GRID2: variants seen among roughly 807,000 people sequenced by gnomAD.
GRID2 encodes the protein glutamate ionotropic receptor delta type subunit 2, also known as glutamate receptor ionotropic, delta-2.
GRID2 carries 33 observed loss-of-function variants against 114.8 expected under a neutral mutation model. The observed-to-expected ratio is 0.29, with a 90% CI of 0.22 to 0.38. The LOEUF (loss-of-function observed/expected upper bound fraction) is 0.38. Among genes scored for constraint, GRID2 ranks in the 10% least tolerant of loss-of-function variants. GRID2 has a pLI of 1.00. For synonymous variants in GRID2, 505 were observed against 449.9 expected, an observed-to-expected ratio of 1.12 and a Z score of -1.55; for missense variants, 1,184 against 1,257.7, an observed-to-expected ratio of 0.94 and a Z score of 0.89.
intron 2 of GRID2, among the ~76,000 whole-genome samples, chr4:92,890,139 G>A (rs552532399): frequency 8.9e-4 from 135 of 152,178 alleles, no homozygotes; most frequent in Middle Eastern, 3.4e-3. Context: ...AGACTTAAAC[G>A]AAAGGCCTAA....
intron 1 of GRID2, among the ~76,000 whole-genome samples, chr4:92,363,035 A>C (rs1411955319): frequency 6.6e-6 from 1 of 152,024 alleles, no homozygotes; most frequent in Non-Finnish European, 1.5e-5. Context: ...AGTGACAATT[A>C]TTTTTAATTT....
intron 4 of GRID2, among the ~76,000 whole-genome samples, chr4:93,119,611 G>A (rs1357258101): frequency 3.3e-5 from 5 of 152,062 alleles, no homozygotes; most frequent in Non-Finnish European, 5.9e-5. Flanking sequence ...GTAAGAAAAG[G>A]TTATTATTAT....
At chr4:93,370,834 T>C (rs1762818841) in intron 8 of GRID2, among the ~76,000 whole-genome samples, 3 of 152,198 alleles carry the variant, frequency 2.0e-5, no homozygotes, top group African/African-American at 7.2e-5. Context: ...CTGGGTCTTA[T>C]CTATCTTTAC....
chr4:92,788,540 G>A (rs1739425308), intron 2 of GRID2, among the ~76,000 whole-genome samples: 1 of 151,798 alleles, frequency 6.6e-6, no homozygotes, highest in Admixed American at 6.6e-5. Context: ...TTTTTCAGTG[G>A]TTCACATTCT....
intron 2 of GRID2, among the ~76,000 whole-genome samples, chr4:92,941,193 G>T (rs1751096793): frequency 6.6e-6 from 1 of 152,048 alleles, no homozygotes; most frequent in Non-Finnish European, 1.5e-5. Context: ...GAATCCCTCT[G>T]GTCCTGGACT....
intron 1 of GRID2, among the ~76,000 whole-genome samples, chr4:92,406,189 C>G (rs895973576): frequency 2.6e-5 from 4 of 152,194 alleles, no homozygotes; most frequent in Admixed American, 2.0e-4. Flanking sequence ...AACACCCTTA[C>G]AGACACACCA....
intron 13 of GRID2, among the ~76,000 whole-genome samples, chr4:93,619,290 C>T (rs1378298806): frequency 1.3e-5 from 2 of 152,164 alleles, no homozygotes; most frequent in African/African-American, 4.8e-5. Flanking sequence ...TTGATGAATG[C>T]TGCTAAATTA....
chr4:93,083,695 C>CAA (rs34205612), intron 2 of GRID2, among the ~76,000 whole-genome samples: 152 of 74,970 alleles, frequency 2.0e-3, no homozygotes, highest in East Asian at 2.6e-3. Context: ...GACTCCATCT[C>CAA]AAAAAAAAAA....
intron 13 of GRID2, among the ~76,000 whole-genome samples, chr4:93,532,428 A>G (rs1731541799): frequency 6.6e-6 from 1 of 152,154 alleles, no homozygotes; most frequent in African/African-American, 2.4e-5. Flanking sequence ...TGAGCACCCC[A>G]TCTGCTCAGC....
intron 4 of GRID2, among the ~76,000 whole-genome samples, chr4:93,116,137 A>G (rs558766938): frequency 6.6e-6 from 1 of 152,314 alleles, no homozygotes; most frequent in South Asian, 2.1e-4. Context: ...AAATAACTTT[A>G]TATAACACAG....
At chr4:92,441,132 G>C (rs560858703) in intron 1 of GRID2, among the ~76,000 whole-genome samples, 24 of 152,246 alleles carry the variant, frequency 1.6e-4, no homozygotes, top group Non-Finnish European at 3.1e-4. Context: ...CCTGGCTCTT[G>C]TGTAAGAATT....
intron 2 of GRID2, among the ~76,000 whole-genome samples, chr4:92,640,551 C>G (rs772093571): frequency 9.9e-5 from 15 of 151,920 alleles, no homozygotes; most frequent in Middle Eastern, 3.4e-3. Flanking sequence ...GAGAAAGGAT[C>G]TCTGCTTAGA....
At chr4:92,507,441 T>TGTG (rs1560677596) in intron 1 of GRID2, among the ~76,000 whole-genome samples, 42 of 123,144 alleles carry the variant, frequency 3.4e-4, no homozygotes, top group African/African-American at 1.2e-3. Flanking sequence ...GTGTGTGTGT[T>TGTG]TGTGTGTATG....
intron 2 of GRID2, among the ~76,000 whole-genome samples, chr4:92,638,428 TATATATAAAATATTAAATA>T (rs1320936080): frequency 2.0e-5 from 3 of 147,860 alleles, no homozygotes; most frequent in Non-Finnish European, 4.5e-5. Context: ...GACAAAATTA[TATATATAAAATATTAAATA>T]ATATATAAAA....
Position 92,477,039 on chromosome 4 carries a change from A to ATGTG in GRID2, c.89-113036_89-113033dup, listed in dbSNP as rs70940894. 8.1e-4 allele frequency among the ~76,000 whole-genome samples: 97 copies of ATGTG among 119,554 alleles called. 2 individuals are homozygous for ATGTG. The highest frequency in any genetic ancestry group is 3.1e-3 in the Admixed American group (36 of 11,544). The allele number at this position is 119,554 out of a possible 152,430, so 78.4% of individuals were successfully genotyped here. ...TGGCTAAACTATTTGATTTAACTTC[A>ATGTG]TGTGTGTGTGTGTGTGTGTGTGTGT... On this transcript the variant is annotated intron_variant, in intron 1 of 15. Coordinates refer to ENST00000282020, the MANE Select transcript of GRID2 (RefSeq NM_001510.4).
chr4:93,581,877 A>G (rs1737010629), intron 13 of GRID2, among the ~76,000 whole-genome samples: 1 of 152,310 alleles, frequency 6.6e-6, no homozygotes, highest in South Asian at 2.1e-4. Flanking sequence ...CTGTTTTTAA[A>G]GAGATGCCAT....
intron 2 of GRID2, among the ~76,000 whole-genome samples, chr4:93,034,539 A>G (rs1055248820): frequency 6.6e-6 from 1 of 152,170 alleles, no homozygotes. Flanking sequence ...CGACTTCTAC[A>G]CGGCACGTCT....
intron 2 of GRID2, among the ~76,000 whole-genome samples, chr4:92,947,862 G>T (rs939952945): frequency 1.3e-5 from 2 of 151,742 alleles, no homozygotes; most frequent in African/African-American, 2.4e-5. Context: ...ATTATGTCCA[G>T]TGTGATAATA....
At chr4:93,540,700 C>T (rs1255218084) in intron 13 of GRID2, among the ~76,000 whole-genome samples, 1 of 152,098 alleles carries the variant, frequency 6.6e-6, no homozygotes, top group Non-Finnish European at 1.5e-5. Context: ...AGGGCAAAGG[C>T]CAAAGAGTTT....
Sources: gnomAD v4.1 joint callset for allele counts (sites outside exome capture counted in the v4.1 genomes callset) on GRCh38, gnomAD v4.1.1 for gene constraint, MANE v1.5 for transcripts, NCBI Gene and HGNC (gene_info 2026-07-23, HGNC 2026-07-21) for gene names.